TATDN1: variants seen among roughly 807,000 people sequenced by gnomAD.
TATDN1 encodes the protein deoxyribonuclease TATDN1.
Under a neutral mutation model 46.4 loss-of-function variants are expected in TATDN1, and 40 were observed. The observed-to-expected ratio is 0.86, with a 90% CI of 0.67 to 1.12. The LOEUF (loss-of-function observed/expected upper bound fraction) is 1.12. TATDN1 is among the 50% of genes most tolerant of loss of function. The pLI is 0.00. For missense variants in TATDN1, 326 were observed against 348.4 expected, an observed-to-expected ratio of 0.94 and a Z score of 0.51; for synonymous variants, 95 against 105.6, an observed-to-expected ratio of 0.90 and a Z score of 0.62.
intron 9 of TATDN1, among the ~76,000 whole-genome samples, chr8:124,498,520 A>G (rs1817675607): frequency 6.7e-6 from 1 of 148,234 alleles, no homozygotes. Context: ...TCAATTAATC[A>G]TCATTTCTAG....
rs1264293729 is a variant in TATDN1, at chr8:124,508,693, A to G, written c.390-5T>C. 5.6e-5 allele frequency: 85 copies of G among 1,509,406 alleles called. 1 individual carries two copies. Among genetic ancestry groups the G allele is most frequent in the Non-Finnish European group, 7.5e-5 (84 of 1,125,094 alleles). 93.5% of individuals were successfully genotyped at this position (1,509,406 alleles called of 1,614,324 possible). On this transcript the variant is annotated splice_polypyrimidine_tract_variant and splice_region_variant and intron_variant, in intron 6 of 11. Coordinates refer to ENST00000276692, the MANE Select transcript of TATDN1 (RefSeq NM_032026.4). ...TCAAACTGTTTTTCAAAATATCTGC[A>G]TAATGCAAAAAAAAAAAATTCTCAT...
At chr8:124,525,493 A>G (rs1820408965) in intron 1 of TATDN1, among the ~76,000 whole-genome samples, 1 of 152,130 alleles carries the variant, frequency 6.6e-6, no homozygotes, top group African/African-American at 2.4e-5. Context: ...CCAGATAGTC[A>G]CAGCTCACCC....
chr8:124,500,781 C>G (rs554842194), intron 9 of TATDN1, among the ~76,000 whole-genome samples: 2 of 146,858 alleles, frequency 1.4e-5, no homozygotes, highest in East Asian at 4.0e-4. Context: ...ACCAAACTTA[C>G]AGGGAGAAAA....
chr8:124,534,383 C>G (rs923383450), intron 1 of TATDN1, among the ~76,000 whole-genome samples: 6 of 152,192 alleles, frequency 3.9e-5, no homozygotes, highest in African/African-American at 1.4e-4. Flanking sequence ...TATTTACATA[C>G]TGTCTATCAC....
chr8:124,538,798 T>A (rs1291341594), intron 1 of TATDN1: 2 of 604,316 alleles, frequency 3.3e-6, no homozygotes, highest in Non-Finnish European at 5.9e-6. Context: ...ATCATAACTG[T>A]ACGGCTTGTT....
intron 6 of TATDN1, among the ~76,000 whole-genome samples, chr8:124,515,543 A>C (rs1288439781): frequency 1.3e-5 from 2 of 152,250 alleles, no homozygotes; most frequent in African/African-American, 4.8e-5. Context: ...TTAAATGGTT[A>C]ATCAACCAGG....
intron 6 of TATDN1, among the ~76,000 whole-genome samples, chr8:124,509,461 G>A (rs576886890): frequency 2.6e-5 from 4 of 152,234 alleles, no homozygotes; most frequent in South Asian, 2.1e-4. Context: ...AGGATACAAC[G>A]AATGTTCATT....
intron 3 of TATDN1, among the ~76,000 whole-genome samples, chr8:124,519,472 T>C (rs1473412304): frequency 6.6e-6 from 1 of 152,192 alleles, no homozygotes; most frequent in African/African-American, 2.4e-5. Flanking sequence ...TGAAAAAACA[T>C]ACAACTGTAC....
chr8:124,491,382 G>A (rs189142222), intron 11 of TATDN1: 1 of 152,406 alleles, frequency 6.6e-6, no homozygotes, highest in Admixed American at 6.5e-5. Context: ...TGCTTAAGGT[G>A]TTTGTTTGTC....
chr8:124,523,822 A>T (rs1295464768), intron 1 of TATDN1, among the ~76,000 whole-genome samples: 2 of 152,248 alleles, frequency 1.3e-5, no homozygotes, highest in East Asian at 1.9e-4. Context: ...AGGAAGGGAG[A>T]GGTCAGAAGA....
rs117392065 is a variant in TATDN1, at chr8:124,512,875, T to C, written c.389+2871A>G. ...GTGAGGGGCAGAGAATGTGGGTATT[T>C]GTTTCCTTAACAATAATCAAAATGT... is the stretch of plus-strand genomic sequence containing the variant. On this transcript the variant is annotated intron_variant, in intron 6 of 11. Transcript: ENST00000276692. Among the ~76,000 whole-genome samples the C allele has an allele frequency of 5.6e-4, 86 of 152,286 alleles. 1 individual carries two copies. In the East Asian group the frequency reaches 0.016, roughly 28 times the overall value.
At chr8:124,502,768 CT>C (rs1457775640) in intron 9 of TATDN1, among the ~76,000 whole-genome samples, 1 of 152,168 alleles carries the variant, frequency 6.6e-6, no homozygotes, top group Non-Finnish European at 1.5e-5. Flanking sequence ...ATTAACCTCC[CT>C]CATATTTTTA....
intron 6 of TATDN1, among the ~76,000 whole-genome samples, chr8:124,514,260 G>A (rs1819270622): frequency 6.6e-6 from 1 of 152,244 alleles, no homozygotes; most frequent in East Asian, 1.9e-4. Context: ...TCCCATTTGT[G>A]GGGAGCAGGG....
intron 9 of TATDN1, among the ~76,000 whole-genome samples, chr8:124,498,111 T>C (rs1817642810): frequency 6.6e-6 from 1 of 152,216 alleles, no homozygotes; most frequent in African/African-American, 2.4e-5. Flanking sequence ...TTCATGCTTC[T>C]GGTTCACCTC....
At chr8:124,507,353 A>T (rs552431306) in intron 8 of TATDN1, among the ~76,000 whole-genome samples, 11 of 152,370 alleles carry the variant, frequency 7.2e-5, no homozygotes, top group Admixed American at 2.6e-4. Flanking sequence ...GAAATGAGAA[A>T]GGCAAACCTA....
At chr8:124,489,403 C>CTTTTT (rs11443180) in intron 11 of TATDN1, 2 of 146,734 alleles carry the variant, frequency 1.4e-5, no homozygotes. Flanking sequence ...TCTTTCCTTT[C>CTTTTT]TTTTTTTTTT....
chr8:124,506,352 AAAAAGAAAAAG>A (rs1818428223), intron 8 of TATDN1, among the ~76,000 whole-genome samples: 1 of 148,694 alleles, frequency 6.7e-6, no homozygotes, highest in South Asian at 2.1e-4. Flanking sequence ...AAAAAAAAAA[AAAAAGAAAAAG>A]AAAAAAAGAA....
At chr8:124,532,257 T>C (rs993022329) in intron 1 of TATDN1, among the ~76,000 whole-genome samples, 1 of 152,202 alleles carries the variant, frequency 6.6e-6, no homozygotes, top group African/African-American at 2.4e-5. Context: ...TGAGCCTGAA[T>C]GGCATCTAAG....
chr8:124,514,578 T>C (rs1268034463), intron 6 of TATDN1, among the ~76,000 whole-genome samples: 2 of 152,258 alleles, frequency 1.3e-5, no homozygotes, highest in Non-Finnish European at 2.9e-5. Context: ...ACTCCATAAA[T>C]ATTTGTTCAA....
Sources: gnomAD v4.1 joint callset for allele counts (sites outside exome capture counted in the v4.1 genomes callset) on GRCh38, gnomAD v4.1.1 for gene constraint, MANE v1.5 for transcripts, NCBI Gene and HGNC (gene_info 2026-07-23, HGNC 2026-07-21) for gene names.